Variants in ZDHHC11 observed in about 807,000 individuals in gnomAD.
The protein encoded by ZDHHC11 is palmitoyltransferase ZDHHC11.
Under a neutral mutation model 51.3 loss-of-function variants are expected in ZDHHC11, and 44 were observed. The ratio of observed to expected loss-of-function variants is 0.86; its 90% CI spans 0.67 to 1.10. The LOEUF (loss-of-function observed/expected upper bound fraction) is 1.10, where lower values mean the gene tolerates loss of function less well. Among genes scored for constraint, ZDHHC11 ranks in the 50% least tolerant of loss-of-function variants. The pLI is 0.00. For synonymous variants in ZDHHC11, 163 were observed against 222.0 expected, an observed-to-expected ratio of 0.73 and a Z score of 2.36; for missense variants, 400 against 537.7, an observed-to-expected ratio of 0.74 and a Z score of 2.53.
At chr5:804,081 T>C (rs1273301186) in intron 11 of ZDHHC11, among the ~76,000 whole-genome samples, 1 of 150,818 alleles carries the variant, frequency 6.6e-6, no homozygotes, top group African/African-American at 2.4e-5. Flanking sequence ...GCAGAAAAAA[T>C]ACAGTGTTCG....
At chr5:831,287 A>G (rs940024333) in intron 7 of ZDHHC11, among the ~76,000 whole-genome samples, 6 of 149,710 alleles carry the variant, frequency 4.0e-5, no homozygotes, top group Non-Finnish European at 8.9e-5. Context: ...ATCCGCAAGA[A>G]AAAACAAATC....
chr5:850,577 C>G lies in ZDHHC11; in HGVS notation c.26G>C (p.Cys9Ser), dbSNP rs1222728686. 2.1e-5 allele frequency: 34 copies of G among 1,613,344 alleles called. No individual in the cohort carries two copies. The highest frequency in any genetic ancestry group is 2.8e-5 in the Non-Finnish European group (33 of 1,180,010). Residue 9 changes from cysteine (C) to serine (S), a missense_variant, in exon 1 of 13, where the codon TGT becomes TCT. By Grantham distance (112) the Cys-to-Ser change is moderately radical (BLOSUM62 -1). This residue lies in a region of ZDHHC11 where 119 missense variants were observed against 99.6 expected (regional missense o/e 1.20). Coordinates refer to ENST00000283441, the MANE Select transcript of ZDHHC11 (RefSeq NM_024786.3). ...GAGTATGGCTTCTGGGGTGACGGAA[C>G]ACTGGCTCCCGGAGCGGGTGTCCAT... is the stretch of plus-strand genomic sequence containing the variant. MDTRSGSQ[C>S]SVTPEAILNN...
intron 8 of ZDHHC11, among the ~76,000 whole-genome samples, chr5:822,923 CTTTA>C (rs1307284862): frequency 6.6e-6 from 1 of 151,020 alleles, no homozygotes; most frequent in Non-Finnish European, 1.5e-5. Flanking sequence ...ATTTTGTGGG[CTTTA>C]TTTCTCATGG....
At chr5:835,837 T>C (rs888561679) in intron 6 of ZDHHC11, among the ~76,000 whole-genome samples, 6 of 151,888 alleles carry the variant, frequency 4.0e-5, no homozygotes, top group African/African-American at 9.7e-5. Context: ...ATTCTTTTTT[T>C]ATTAGACTAT....
At chr5:805,320 C>T (rs1739090838) in intron 11 of ZDHHC11, among the ~76,000 whole-genome samples, 1 of 150,610 alleles carries the variant, frequency 6.6e-6, no homozygotes. Flanking sequence ...TGCCTGTAGT[C>T]CTAGTTACTT....
At chr5:843,003 C>A (rs147800366) in intron 4 of ZDHHC11, among the ~76,000 whole-genome samples, 168 of 152,360 alleles carry the variant, frequency 1.1e-3, no homozygotes, top group Non-Finnish European at 2.0e-3. Context: ...TAAGTCACAG[C>A]CACAGGCCCA....
intron 10 of ZDHHC11, chr5:816,692 T>G: frequency 1.7e-6 from 1 of 599,250 alleles, no homozygotes; most frequent in Non-Finnish European, 3.2e-6. Context: ...GGCTTTGTGA[T>G]GATGGGAATT....
At chr5:840,831 C>T (rs1470067647) in intron 4 of ZDHHC11, 181 bp from the exon 5 acceptor site, 50 of 1,467,526 alleles carry the variant, frequency 3.4e-5, no homozygotes, top group East Asian at 2.5e-4. Context: ...CTGCTGCCTT[C>T]GGTTGGTTTT....
At chr5:844,032 G>A (rs1745661259) in intron 3 of ZDHHC11, among the ~76,000 whole-genome samples, 1 of 145,170 alleles carries the variant, frequency 6.9e-6, no homozygotes, top group African/African-American at 2.7e-5. Context: ...CAGGTGTGGG[G>A]GGCGCAGGGG....
At chr5:796,860 G>A (rs549595915) in intron 12 of ZDHHC11, among the ~76,000 whole-genome samples, 1 of 152,324 alleles carries the variant, frequency 6.6e-6, no homozygotes, top group East Asian at 1.9e-4. Context: ...GTTCTTCTTC[G>A]GAAATACATC....
chr5:803,254 C>T (rs1738747025), intron 11 of ZDHHC11, among the ~76,000 whole-genome samples: 1 of 151,242 alleles, frequency 6.6e-6, no homozygotes, highest in African/African-American at 2.4e-5. Flanking sequence ...CAGAGGCTTG[C>T]CTTGGTTTTG....
At chr5:858,874 C>T (rs756738488) in exon 1 of ZDHHC11, among the ~76,000 whole-genome samples, 52 of 152,016 alleles carry the variant, frequency 3.4e-4, no homozygotes, top group African/African-American at 1.2e-3. Flanking sequence ...CTTTCCTTAC[C>T]GCCAGAACCC....
chr5:840,096 A>G, intron 5 of ZDHHC11: 1 of 611,498 alleles, frequency 1.6e-6, no homozygotes, highest in Non-Finnish European at 2.9e-6. Flanking sequence ...AATATATTTC[A>G]TTGTTAGAAT....
upstream of ZDHHC11, among the ~76,000 whole-genome samples, chr5:852,657 C>A (rs1027546776): frequency 2.0e-5 from 3 of 150,766 alleles, no homozygotes; most frequent in Non-Finnish European, 2.9e-5. Context: ...GGGGGACAGA[C>A]CCCACGGAGG....
chr5:813,991 TTAG>T (rs1740433292), intron 11 of ZDHHC11, among the ~76,000 whole-genome samples: 1 of 150,778 alleles, frequency 6.6e-6, no homozygotes, highest in Non-Finnish European at 1.5e-5. Context: ...AGATGAAACT[TTAG>T]TAGAGTGTAG....
intron 1 of ZDHHC11, among the ~76,000 whole-genome samples, chr5:858,157 G>A (rs960355316): frequency 1.4e-5 from 2 of 144,430 alleles, no homozygotes; most frequent in African/African-American, 2.6e-5. Context: ...GGTCTGTCCC[G>A]GTCCTGTCCC....
intron 3 of ZDHHC11, among the ~76,000 whole-genome samples, chr5:845,365 C>T (rs1354784872): frequency 2.6e-5 from 4 of 152,362 alleles, no homozygotes; most frequent in Non-Finnish European, 1.5e-5. Flanking sequence ...GGAAAGAAGG[C>T]GGGTCTCTAA....
At chr5:808,823 G>C (rs1213538214) in intron 11 of ZDHHC11, among the ~76,000 whole-genome samples, 1 of 145,560 alleles carries the variant, frequency 6.9e-6, no homozygotes, top group Non-Finnish European at 1.5e-5. Context: ...TCAGCCTCCC[G>C]AGTAGCTGGG....
intron 5 of ZDHHC11, chr5:840,101 T>TA (rs1293833073): frequency 3.3e-6 from 2 of 611,450 alleles, no homozygotes; most frequent in Admixed American, 5.6e-5. Context: ...ATTTCATTGT[T>TA]AGAATTTCTA....
Sources: gnomAD v4.1 joint callset for allele counts (sites outside exome capture counted in the v4.1 genomes callset) on GRCh38, gnomAD v4.1.1 for gene constraint, gnomAD v4.1.1 regional missense constraint, MANE v1.5 for transcripts, NCBI Gene and HGNC (gene_info 2026-07-23, HGNC 2026-07-21) for gene names.